RIMBP2: variants seen among roughly 807,000 people sequenced by gnomAD.
RIMBP2 encodes the protein RIMS-binding protein 2.
RIMBP2 carries 48 observed loss-of-function variants against 118.6 expected under a neutral mutation model. That is an observed-to-expected ratio of 0.40 (90% CI 0.32 to 0.51). RIMBP2 has a LOEUF of 0.51. Ranked by LOEUF, RIMBP2 falls within the 20% of genes least tolerant of loss-of-function variation. RIMBP2 has a pLI of 0.41. For synonymous variants in RIMBP2, 762 were observed against 742.9 expected (o/e 1.03, Z -0.42); for missense variants, 1,551 against 1,768.3 (o/e 0.88, Z 2.20).
At position 130,442,347 on chromosome 12, in the gene RIMBP2, C is replaced by G. The variant is rs199922925; in HGVS notation, c.1005G>C (p.Glu335Asp). 241 of 1,614,218 alleles carry G rather than the reference C, an allele frequency of 1.5e-4. No homozygotes were observed. In the East Asian group the frequency reaches 4.0e-3, roughly 27 times the overall value. Residue 335 changes from glutamate to aspartate, a missense_variant, in exon 11 of 23, where the codon GAG (glutamate) becomes GAC (aspartate). Glu to Asp is a conservative substitution (Grantham distance 45). This residue lies in a region of RIMBP2 where 265 missense variants were observed against 349.5 expected (regional missense o/e 0.76). Coordinates refer to ENST00000690449, the MANE Select transcript of RIMBP2 (RefSeq NM_001393629.1). The surrounding 1 kb of genome is among the most constrained non-coding windows in gnomAD (Gnocchi z 6.9). ...QLAKSVIVGW[E>D]PPAVPPGWGT... ...CCCATCCTGGTGGCACCGCCGGGGG[C>G]TCCCAGCCCACAATAACACTTTTGG...
intron 2 of RIMBP2, among the ~76,000 whole-genome samples, chr12:130,535,698 TATATACACATATAC>T (rs1176107450): frequency 4.2e-5 from 6 of 141,524 alleles, no homozygotes; most frequent in African/African-American, 1.5e-4. Flanking sequence ...CATATACATA[TATATACACATATAC>T]ATATACATAT....
chr12:130,549,262 C>G (rs1388858313), intron 2 of RIMBP2, among the ~76,000 whole-genome samples: 2 of 152,210 alleles, frequency 1.3e-5, no homozygotes, highest in Non-Finnish European at 2.9e-5. Context: ...AAGCTGGCAT[C>G]TGATGCCCAT....
At chr12:130,571,568 C>T (rs1335102743) in intron 2 of RIMBP2, among the ~76,000 whole-genome samples, 1 of 151,948 alleles carries the variant, frequency 6.6e-6, no homozygotes, top group Non-Finnish European at 1.5e-5. Flanking sequence ...TACAGGCGCC[C>T]GCCACCATGC....
intron 5 of RIMBP2, among the ~76,000 whole-genome samples, chr12:130,474,570 G>A (rs561652675): frequency 3.3e-5 from 5 of 152,336 alleles, no homozygotes; most frequent in South Asian, 2.1e-4. Flanking sequence ...TAAATGGGGC[G>A]ACATGCCCTC....
intron 1 of RIMBP2, among the ~76,000 whole-genome samples, chr12:130,694,457 T>A (rs1393482040): frequency 6.6e-6 from 1 of 152,210 alleles, no homozygotes; most frequent in Non-Finnish European, 1.5e-5. Context: ...TCCAGAGTCC[T>A]CACTGCTGCT....
Position 130,620,345 on chromosome 12 carries a change from T to C in RIMBP2, c.-217+7977A>G, listed in dbSNP as rs961877448. 6.6e-6 allele frequency among the ~76,000 whole-genome samples: 1 copy of C among 152,166 alleles called. No homozygotes were observed. Among genetic ancestry groups the C allele is most frequent in the Non-Finnish European group, 1.5e-5 (1 of 68,022 alleles). ...GTCATCCTGCAGCTCTCCTCCTCCCTGAGGCTCCCAATCCCTGATGCTTCG... is the reference window on the plus strand; with the variant it reads ...GTCATCCTGCAGCTCTCCTCCTCCCCGAGGCTCCCAATCCCTGATGCTTCG... On this transcript the variant is annotated intron_variant, in intron 2 of 22. Transcript: ENST00000690449. This position sits in a 1 kb window ranked among gnomAD's most constrained non-coding sequence, Gnocchi z 5.3.
intron 14 of RIMBP2, chr12:130,432,120 C>T: frequency 2.4e-6 from 1 of 418,012 alleles, no homozygotes; most frequent in South Asian, 1.8e-5. Flanking sequence ...AGTGCTCCAG[C>T]CTTTCCTCCG....
chr12:130,494,916 C>T (rs911669791), intron 4 of RIMBP2, among the ~76,000 whole-genome samples: 20 of 152,322 alleles, frequency 1.3e-4, no homozygotes, highest in African/African-American at 4.3e-4. Context: ...TCGGCAGGGC[C>T]GGATCCTCTC....
At chr12:130,693,981 A>T (rs1299686776) in intron 1 of RIMBP2, among the ~76,000 whole-genome samples, 1 of 152,232 alleles carries the variant, frequency 6.6e-6, no homozygotes, top group African/African-American at 2.4e-5. Flanking sequence ...CTAAGGATGC[A>T]GTGGAGCCTG....
intron 5 of RIMBP2, among the ~76,000 whole-genome samples, chr12:130,473,541 G>A (rs1442363508): frequency 1.2e-4 from 19 of 152,340 alleles, no homozygotes; most frequent in Admixed American, 1.0e-3. Flanking sequence ...CCAGGCCCCC[G>A]GCGACTGTGA....
At chr12:130,641,275 G>A (rs753069917) in intron 1 of RIMBP2, among the ~76,000 whole-genome samples, 2 of 152,150 alleles carry the variant, frequency 1.3e-5, no homozygotes, top group African/African-American at 4.8e-5. Context: ...TCCCAAGACT[G>A]CAGGAAGCCT....
chr12:130,656,307 C>G (rs546793665), intron 1 of RIMBP2, among the ~76,000 whole-genome samples: 25 of 152,274 alleles, frequency 1.6e-4, no homozygotes, highest in African/African-American at 6.0e-4. Context: ...AGTAGGATCT[C>G]CAGGGACCCC....
chr12:130,428,411 C>A (rs2136884767), intron 14 of RIMBP2, 74 bp from the exon 15 acceptor site: 1 of 1,490,104 alleles, frequency 6.7e-7, no homozygotes, highest in South Asian at 1.3e-5. Flanking sequence ...TTGAGCTTGC[C>A]AACCCTTTCC....
rs35446839 is a variant in RIMBP2, at chr12:130,665,449, C to T, written c.-351-36993G>A. On this transcript the variant is annotated intron_variant, in intron 1 of 22. Transcript: ENST00000690449. ...CTGAGGCAGGAGAATCACTCGAACC[C>T]GGGAGGCAGAGGTTGAATTGAGCTG... Among the ~76,000 whole-genome samples, 32 of 151,314 alleles carry T rather than the reference C, an allele frequency of 2.1e-4. 2 individuals carry two copies. The highest frequency in any genetic ancestry group is 7.1e-4 in the African/African-American group (29 of 40,754).
chr12:130,489,510 G>A (rs2048424631), intron 4 of RIMBP2, among the ~76,000 whole-genome samples: 1 of 152,058 alleles, frequency 6.6e-6, no homozygotes, highest in South Asian at 2.1e-4. Flanking sequence ...GGGAAGCCAG[G>A]GATTTCTACC....
chr12:130,434,651 T>A lies in RIMBP2; in HGVS notation c.2253+83A>T, dbSNP rs2136993510. 7.1e-7 allele frequency: 1 copy of A among 1,410,078 alleles called. No homozygotes were observed. The allele number at this position is 1,410,078 out of a possible 1,614,324, so 87.3% of individuals were successfully genotyped here. On this transcript the variant is annotated intron_variant, in intron 14 of 22. Transcript: ENST00000690449. This position sits in a 1 kb window ranked among gnomAD's most constrained non-coding sequence, Gnocchi z 5.7. ...AGGGACCCAAGGGTAGCGGGGAAAGTGCCCATGTCTCTTGATCTCCACGGG... is the reference window on the plus strand; with the variant it reads ...AGGGACCCAAGGGTAGCGGGGAAAGAGCCCATGTCTCTTGATCTCCACGGG...
chr12:130,574,914 G>C (rs2057967859), intron 2 of RIMBP2, among the ~76,000 whole-genome samples: 1 of 151,860 alleles, frequency 6.6e-6, no homozygotes, highest in Non-Finnish European at 1.5e-5. Flanking sequence ...GTTGTGAGCA[G>C]AAGACCTGAG....
intron 4 of RIMBP2, among the ~76,000 whole-genome samples, chr12:130,486,380 A>G (rs2082478403): frequency 6.6e-6 from 1 of 151,984 alleles, no homozygotes; most frequent in Non-Finnish European, 1.5e-5. Context: ...CCACGGCTCT[A>G]TTTATACCAT....
At chr12:130,499,048 G>A (rs2049478963) in intron 4 of RIMBP2, among the ~76,000 whole-genome samples, 1 of 152,174 alleles carries the variant, frequency 6.6e-6, no homozygotes, top group Non-Finnish European at 1.5e-5. Context: ...GAAACCTCAG[G>A]AAACTTACAA....
Sources: gnomAD v4.1 joint callset for allele counts (sites outside exome capture counted in the v4.1 genomes callset) on GRCh38, gnomAD v4.1.1 for gene constraint, gnomAD v4.1.1 regional missense constraint, Gnocchi (gnomAD v3.1) non-coding constraint, MANE v1.5 for transcripts, NCBI Gene and HGNC (gene_info 2026-07-23, HGNC 2026-07-21) for gene names.